TCF7L2: variants seen among roughly 807,000 people sequenced by gnomAD.
The protein encoded by TCF7L2 is transcription factor 7-like 2.
Under a neutral mutation model 77.9 loss-of-function variants are expected in TCF7L2, and 23 were observed. That is an observed-to-expected ratio of 0.30 (90% CI 0.21 to 0.42). The LOEUF is 0.42. TCF7L2 is among the 10% of genes least tolerant of loss of function. TCF7L2 has a pLI of 1.00. For missense variants in TCF7L2, 654 were observed against 793.1 expected (o/e 0.82, Z 2.11); for synonymous variants, 413 against 340.2 (o/e 1.21, Z -2.36).
At chr10:112,955,342 A>C (rs2033253827) in intron 3 of TCF7L2, among the ~76,000 whole-genome samples, 1 of 152,238 alleles carries the variant, frequency 6.6e-6, no homozygotes, top group African/African-American at 2.4e-5. Flanking sequence ...ATCTCAATGC[A>C]ACCGTATTAA....
At chr10:112,987,525 A>G (rs375751756) in intron 4 of TCF7L2, 2 of 152,126 alleles carry the variant, frequency 1.3e-5, no homozygotes, top group East Asian at 3.9e-4. Flanking sequence ...AGCGTCAACA[A>G]TGTGGGAAAG....
At chr10:113,075,315 C>T (rs141183865) in intron 5 of TCF7L2, among the ~76,000 whole-genome samples, 3,046 of 152,012 alleles carry the variant, frequency 0.02, 111 homozygotes, top group African/African-American at 0.069. Context: ...AAAAATTAGC[C>T]GGGAGTGGTG....
chr10:113,088,417 A>G (rs934684251), intron 5 of TCF7L2, among the ~76,000 whole-genome samples: 8 of 151,960 alleles, frequency 5.3e-5, no homozygotes, highest in Admixed American at 1.3e-4. Context: ...GATACTACCT[A>G]CCTCATAAGG....
At chr10:113,104,172 C>T (rs1370636979) in intron 5 of TCF7L2, among the ~76,000 whole-genome samples, 1 of 152,160 alleles carries the variant, frequency 6.6e-6, no homozygotes, top group Non-Finnish European at 1.5e-5. Context: ...GAGATGATTT[C>T]CTAATCCTCG....
intron 5 of TCF7L2, among the ~76,000 whole-genome samples, chr10:113,131,031 G>T (rs1399180674): frequency 5.9e-5 from 9 of 152,184 alleles, no homozygotes; most frequent in Admixed American, 5.2e-4. Context: ...CTCCCAAAGT[G>T]CTGGGATTAC....
intron 5 of TCF7L2, among the ~76,000 whole-genome samples, chr10:113,136,837 A>T (rs932734970): frequency 3.3e-5 from 5 of 152,186 alleles, no homozygotes; most frequent in African/African-American, 1.2e-4. Context: ...AAATTTTCTT[A>T]GGGTGGTGCA....
At chr10:113,085,931 AT>A (rs1438870520) in intron 5 of TCF7L2, among the ~76,000 whole-genome samples, 3 of 152,242 alleles carry the variant, frequency 2.0e-5, no homozygotes, top group African/African-American at 7.2e-5. Context: ...ATGAAATGAC[AT>A]GAAATAGCTC....
chr10:113,009,602 AAAAT>A (rs1382844798), intron 4 of TCF7L2, among the ~76,000 whole-genome samples: 1 of 152,184 alleles, frequency 6.6e-6, no homozygotes, highest in Non-Finnish European at 1.5e-5. Context: ...CACCCACCTT[AAAAT>A]GTTCCTCAAG....
chr10:112,975,409 T>C (rs2039209973), intron 4 of TCF7L2, among the ~76,000 whole-genome samples: 1 of 152,184 alleles, frequency 6.6e-6, no homozygotes. Flanking sequence ...ACTGTTGACA[T>C]TTTGGGCTGG....
chr10:113,167,329 G>A lies in TCF7L2; in HGVS notation c.*1357G>A, dbSNP rs1030803725. On this transcript the variant is annotated 3_prime_UTR_variant, in exon 14 of 14. Transcript: ENST00000627217. The stretch of plus-strand genomic sequence containing the variant: ...GCTTTTATGTACACATATTACATAC[G>A]AGTAGGCAGCAGACTTTAAAAATAA... 8.8e-6 allele frequency: 2 copies of A among 226,880 alleles called. No individual in the cohort carries two copies. Among genetic ancestry groups the A allele is most frequent in the East Asian group, 6.4e-5 (1 of 15,702 alleles). The allele number at this position is 226,880 out of a possible 1,614,324, so 14.1% of individuals were successfully genotyped here. A position where few individuals can be genotyped will look rare whatever the true frequency, so the allele number is the denominator to read the frequency against.
intron 5 of TCF7L2, among the ~76,000 whole-genome samples, chr10:113,045,749 C>T (rs922051227): frequency 5.9e-5 from 9 of 152,196 alleles, no homozygotes; most frequent in African/African-American, 2.2e-4. Context: ...TCTCCACTTT[C>T]TCTACTGCAT....
At chr10:113,134,690 C>T (rs1003304280) in intron 5 of TCF7L2, among the ~76,000 whole-genome samples, 1 of 152,178 alleles carries the variant, frequency 6.6e-6, no homozygotes, top group African/African-American at 2.4e-5. Flanking sequence ...CCATAGTAAA[C>T]GGCATCTGGA....
intron 4 of TCF7L2, among the ~76,000 whole-genome samples, chr10:112,991,760 C>T (rs937666563): frequency 6.6e-6 from 1 of 152,092 alleles, no homozygotes; most frequent in African/African-American, 2.4e-5. Flanking sequence ...GACCTTTCCT[C>T]CTTGTGCTTT....
chr10:113,036,923 G>A lies in TCF7L2; in HGVS notation c.451-3102G>A, dbSNP rs141434560. ...AAAAGGATATAAAACTAAGTCAGAT[G>A]GTTGGGAAAACGTGGCACAGGGTTC... is the stretch of plus-strand genomic sequence containing the variant. On this transcript the variant is annotated intron_variant, in intron 4 of 13. Transcript: ENST00000627217. Among the ~76,000 whole-genome samples, 21 of 152,102 alleles carry A rather than the reference G, an allele frequency of 1.4e-4. 1 individual carries two copies. In the East Asian group the frequency reaches 4.1e-3, roughly 30 times the overall value.
chr10:113,147,149 G>A (rs993512620), intron 8 of TCF7L2, among the ~76,000 whole-genome samples: 5 of 152,032 alleles, frequency 3.3e-5, no homozygotes, highest in African/African-American at 1.2e-4. Flanking sequence ...TAATTAAATC[G>A]GTGGAGGTTT....
intron 5 of TCF7L2, among the ~76,000 whole-genome samples, chr10:113,094,413 A>G (rs967865033): frequency 6.6e-5 from 10 of 152,208 alleles, no homozygotes; most frequent in Admixed American, 2.0e-4. Context: ...AGTACGTGGT[A>G]TGTATGGAAA....
chr10:113,160,983 T>A (rs2073075255), intron 13 of TCF7L2, among the ~76,000 whole-genome samples: 1 of 152,120 alleles, frequency 6.6e-6, no homozygotes, highest in Admixed American at 6.5e-5. Flanking sequence ...AAAGCCAGCA[T>A]CCTGGAGCTG....
chr10:113,143,314 C>A (rs1395306468), intron 6 of TCF7L2, among the ~76,000 whole-genome samples: 1 of 152,264 alleles, frequency 6.6e-6, no homozygotes, highest in Non-Finnish European at 1.5e-5. Flanking sequence ...AGTACACAAG[C>A]CTCCAACACC....
At chr10:112,969,804 C>A (rs61875109) in intron 4 of TCF7L2, among the ~76,000 whole-genome samples, 54,371 of 152,096 alleles carry the variant, frequency 0.36, 12,841 homozygotes, top group East Asian at 0.68. Context: ...CAGAGGTGGA[C>A]CCACATTGCA....
Sources: allele counts gnomAD v4.1 joint callset (sites outside exome capture counted in the v4.1 genomes callset), GRCh38; gene constraint gnomAD v4.1.1; transcripts MANE v1.5; gene names NCBI Gene and HGNC (gene_info 2026-07-23, HGNC 2026-07-21).